The following EXOC6 variants were observed in gnomAD, a reference collection of about 807,000 sequenced individuals.
The protein encoded by EXOC6 is exocyst complex component 6.
In EXOC6, 60 loss-of-function variants were observed where a neutral mutation model predicts 112.5. The ratio of observed to expected loss-of-function variants is 0.53; its 90% CI spans 0.43 to 0.66. The LOEUF (loss-of-function observed/expected upper bound fraction) is 0.66, where lower values mean the gene tolerates loss of function less well. EXOC6 is among the 30% of genes least tolerant of loss of function. The probability of loss-of-function intolerance (pLI) is 0.00; values close to 1 mark genes in which losing one functional copy is unlikely to be tolerated. For synonymous variants in EXOC6, 295 were observed against 308.0 expected, an observed-to-expected ratio of 0.96 and a Z score of 0.44; for missense variants, 855 against 957.1, an observed-to-expected ratio of 0.89 and a Z score of 1.41.
chr10:92,882,122 G>A (rs1370905931), intron 1 of EXOC6, among the ~76,000 whole-genome samples: 2 of 151,610 alleles, frequency 1.3e-5, no homozygotes, highest in African/African-American at 4.9e-5. Context: ...AAAATGTTAA[G>A]AGTACTGGAT....
chr10:92,859,615 A>G (rs947809929), intron 1 of EXOC6, among the ~76,000 whole-genome samples: 1 of 152,224 alleles, frequency 6.6e-6, no homozygotes, highest in East Asian at 1.9e-4. Context: ...TAAGGAAAAT[A>G]GGATAGGCAG....
At chr10:93,023,802 G>T (rs1215667488) in intron 20 of EXOC6, among the ~76,000 whole-genome samples, 1 of 152,016 alleles carries the variant, frequency 6.6e-6, no homozygotes, top group Non-Finnish European at 1.5e-5. Flanking sequence ...ACTATATTAA[G>T]ATTCTTTGTA....
At chr10:93,027,839 C>T (rs1426222941) in intron 20 of EXOC6, among the ~76,000 whole-genome samples, 1 of 152,214 alleles carries the variant, frequency 6.6e-6, no homozygotes, top group Non-Finnish European at 1.5e-5. Flanking sequence ...GCTAACACAG[C>T]ATTCATTCTG....
intron 4 of EXOC6, among the ~76,000 whole-genome samples, chr10:92,895,574 C>T (rs1428165552): frequency 6.6e-6 from 1 of 152,126 alleles, no homozygotes; most frequent in East Asian, 1.9e-4. Context: ...ATTACTTGGG[C>T]ATCAGATAAA....
At chr10:92,843,747 C>T (rs1205341848), upstream of EXOC6, among the ~76,000 whole-genome samples, 5 of 151,936 alleles carry the variant, frequency 3.3e-5, no homozygotes, top group Non-Finnish European at 4.4e-5. Context: ...CCAAGCACTT[C>T]GGGAGCCCGA....
At chr10:92,897,473 A>G (rs1219387134) in intron 4 of EXOC6, among the ~76,000 whole-genome samples, 2 of 152,232 alleles carry the variant, frequency 1.3e-5, no homozygotes, top group Non-Finnish European at 2.9e-5. Context: ...GGGACCCCAA[A>G]ATCACTAAGC....
At chr10:92,884,061 T>A (rs2133778425) in intron 1 of EXOC6, among the ~76,000 whole-genome samples, 1 of 152,188 alleles carries the variant, frequency 6.6e-6, no homozygotes, top group East Asian at 1.9e-4. Context: ...CACAACTGGC[T>A]AATTTTTTTG....
At chr10:92,995,584 C>A (rs1207972510) in intron 18 of EXOC6, among the ~76,000 whole-genome samples, 3 of 152,130 alleles carry the variant, frequency 2.0e-5, no homozygotes, top group Non-Finnish European at 2.9e-5. Context: ...AAGCCTATTA[C>A]ATTGTAATTA....
intron 20 of EXOC6, among the ~76,000 whole-genome samples, chr10:93,024,530 C>T (rs187580047): frequency 5.3e-5 from 8 of 152,214 alleles, no homozygotes; most frequent in East Asian, 3.9e-4. Context: ...CTCCGGGGTT[C>T]GAGCGATTTT....
chr10:92,977,901 T>C (rs938801541), intron 18 of EXOC6, among the ~76,000 whole-genome samples: 3 of 152,130 alleles, frequency 2.0e-5, no homozygotes, highest in African/African-American at 7.2e-5. Flanking sequence ...CTGGTGGCAT[T>C]GAGAGAAATA....
intron 8 of EXOC6, among the ~76,000 whole-genome samples, chr10:92,921,828 T>C (rs1851461811): frequency 6.6e-6 from 1 of 152,028 alleles, no homozygotes. Flanking sequence ...TTTGTATTTT[T>C]GGTAGAGGTA....
intron 20 of EXOC6, among the ~76,000 whole-genome samples, chr10:93,034,964 C>A (rs1845446750): frequency 6.6e-6 from 1 of 152,188 alleles, no homozygotes; most frequent in Admixed American, 6.5e-5. Flanking sequence ...AGCAGGACAA[C>A]AAGCTTGTTC....
At chr10:92,887,418 A>T (rs145693433) in intron 1 of EXOC6, among the ~76,000 whole-genome samples, 4,543 of 108,048 alleles carry the variant, frequency 0.042, 287 homozygotes, top group African/African-American at 0.15. Context: ...TTTTTTGGAG[A>T]CGGAGTTTCG....
At chr10:92,910,543 C>T (rs1850686285) in intron 6 of EXOC6, among the ~76,000 whole-genome samples, 1 of 151,978 alleles carries the variant, frequency 6.6e-6, no homozygotes, top group Non-Finnish European at 1.5e-5. Flanking sequence ...ATGTATTTGT[C>T]AAACTTGTAC....
At chr10:92,848,015 C>T (rs1039931271), upstream of EXOC6, among the ~76,000 whole-genome samples, 51 of 152,020 alleles carry the variant, frequency 3.4e-4, no homozygotes, top group African/African-American at 1.0e-3. Flanking sequence ...TTTATTCGTT[C>T]CTAAAATAAA....
intron 8 of EXOC6, among the ~76,000 whole-genome samples, chr10:92,922,537 T>G (rs906157828): frequency 2.6e-5 from 4 of 152,178 alleles, no homozygotes; most frequent in African/African-American, 9.6e-5. Flanking sequence ...TAAGTCTACT[T>G]TAGCCAAAAA....
At chr10:92,962,219 A>G (rs942353362) in intron 17 of EXOC6, among the ~76,000 whole-genome samples, 2 of 152,178 alleles carry the variant, frequency 1.3e-5, no homozygotes, top group African/African-American at 4.8e-5. Context: ...TGTCTTGTCT[A>G]AAGTAAGGCT....
At chr10:93,041,041 CATGCTGTGTGACCA>C (rs1845746396) in intron 20 of EXOC6, among the ~76,000 whole-genome samples, 1 of 152,216 alleles carries the variant, frequency 6.6e-6, no homozygotes, top group Non-Finnish European at 1.5e-5. Context: ...GTGTGTCCCG[CATGCTGTGTGACCA>C]AAGCTGTTGA....
intron 1 of EXOC6, among the ~76,000 whole-genome samples, chr10:92,879,406 G>T (rs1410575115): frequency 6.6e-6 from 1 of 152,168 alleles, no homozygotes; most frequent in Non-Finnish European, 1.5e-5. Context: ...GGTCGAACCT[G>T]TAGTGAGCTG....
Sources: allele counts gnomAD v4.1 joint callset (sites outside exome capture counted in the v4.1 genomes callset), GRCh38; gene constraint gnomAD v4.1.1; transcripts MANE v1.5; gene names NCBI Gene and HGNC (gene_info 2026-07-23, HGNC 2026-07-21).